The following UVRAG variants were observed in gnomAD, a reference collection of about 807,000 sequenced individuals.
UVRAG encodes the protein UV radiation resistance associated.
Under a neutral mutation model 78.0 loss-of-function variants are expected in UVRAG, and 19 were observed. The observed-to-expected ratio is 0.24, with a 90% CI of 0.17 to 0.36. UVRAG has a LOEUF of 0.36. Ranked by LOEUF, UVRAG falls within the 10% of genes least tolerant of loss-of-function variation. The pLI, the probability that UVRAG is intolerant of heterozygous loss-of-function variation, is 1.00. For missense variants in UVRAG, 740 were observed against 853.8 expected (o/e 0.87, Z 1.66); for synonymous variants, 323 against 324.6 (o/e 1.00, Z 0.05).
intron 1 of UVRAG, among the ~76,000 whole-genome samples, chr11:75,834,337 G>T (rs1278187708): frequency 2.0e-5 from 3 of 151,886 alleles, no homozygotes; most frequent in African/African-American, 7.3e-5. Context: ...TTTTCAGTTG[G>T]AATATTGCAT....
In UVRAG at chr11:75,865,579, T is replaced by C. The variant is rs184634910; in HGVS notation, c.270+3799T>C. On this transcript the variant is annotated intron_variant, in intron 3 of 14. Transcript: ENST00000356136. ...AGCCACATGAGGCTAGTAGATATCA[T>C]ATTAGACAGCACAGTTCTAGATGCT... Among the ~76,000 whole-genome samples the C allele has an allele frequency of 5.7e-3, 865 of 152,280 alleles. 10 individuals are homozygous for C. Among genetic ancestry groups the C allele is most frequent in the African/African-American group, 0.02 (825 of 41,560 alleles).
At chr11:76,094,311 G>A (rs1358297438) in intron 13 of UVRAG, among the ~76,000 whole-genome samples, 1 of 152,114 alleles carries the variant, frequency 6.6e-6, no homozygotes, top group Non-Finnish European at 1.5e-5. Context: ...ATATTGGTTT[G>A]AAATTCTCTT....
intron 13 of UVRAG, among the ~76,000 whole-genome samples, chr11:76,079,078 T>C (rs1296311419): frequency 6.6e-6 from 1 of 152,234 alleles, no homozygotes. Context: ...GTCAGCACCA[T>C]GTTCTTTACA....
intron 5 of UVRAG, among the ~76,000 whole-genome samples, chr11:75,905,515 G>A (rs1040810081): frequency 3.3e-5 from 5 of 151,890 alleles, no homozygotes; most frequent in African/African-American, 9.7e-5. Flanking sequence ...ACCTATTTTG[G>A]GTATTTCATA....
rs745969064 is a variant in UVRAG at position 75,911,980 on chromosome 11, T to C, written c.534T>C (p.Ile178=). The change falls in exon 6 of 15, where the codon ATT becomes ATC. Residue 178 remains isoleucine (I), a synonymous_variant. Coordinates refer to ENST00000356136, the MANE Select transcript of UVRAG (RefSeq NM_003369.4). ...HKGYSNAQKT[I]LLQVDQNCVR... The stretch of plus-strand genomic sequence containing the variant: ...GTTATTCAAATGCTCAGAAGACTAT[T>C]CTTCTGCAGGTGGATCAGAACTGTG... The C allele has an allele frequency of 1.2e-6, 2 of 1,613,362 alleles. No homozygotes were observed. The highest frequency in any genetic ancestry group is 1.7e-6 in the Non-Finnish European group (2 of 1,179,562).
At chr11:75,948,402 A>C (rs983220705) in intron 6 of UVRAG, among the ~76,000 whole-genome samples, 1 of 152,192 alleles carries the variant, frequency 6.6e-6, no homozygotes, top group Non-Finnish European at 1.5e-5. Flanking sequence ...AAAGGAAATT[A>C]TGCGGATAAG....
At chr11:75,934,616 G>A (rs2135117558) in intron 6 of UVRAG, among the ~76,000 whole-genome samples, 1 of 152,054 alleles carries the variant, frequency 6.6e-6, no homozygotes, top group Admixed American at 6.6e-5. Flanking sequence ...CATGTAGTCT[G>A]CAAACATATA....
At chr11:75,892,937 T>C (rs915106868) in intron 5 of UVRAG, among the ~76,000 whole-genome samples, 1 of 152,054 alleles carries the variant, frequency 6.6e-6, no homozygotes, top group Non-Finnish European at 1.5e-5. Flanking sequence ...CTCAGCACTT[T>C]GGGAGGCCGA....
At chr11:76,023,193 A>T (rs971232244) in intron 12 of UVRAG, among the ~76,000 whole-genome samples, 5 of 152,104 alleles carry the variant, frequency 3.3e-5, no homozygotes, top group Non-Finnish European at 5.9e-5. Flanking sequence ...GTTACTATCT[A>T]TGGTCCTTTA....
chr11:75,908,010 A>G (rs935092539), intron 5 of UVRAG, among the ~76,000 whole-genome samples: 36 of 152,272 alleles, frequency 2.4e-4, no homozygotes, highest in Non-Finnish European at 1.5e-5. Flanking sequence ...GCCACCATCC[A>G]TGTATTTCAT....
chr11:75,903,701 T>C (rs1452906859), intron 5 of UVRAG, among the ~76,000 whole-genome samples: 1 of 152,232 alleles, frequency 6.6e-6, no homozygotes, highest in Non-Finnish European at 1.5e-5. Flanking sequence ...GCCTTTCTTA[T>C]GGCACTCTTG....
At chr11:76,065,199 A>T (rs1951164207) in intron 12 of UVRAG, among the ~76,000 whole-genome samples, 1 of 152,206 alleles carries the variant, frequency 6.6e-6, no homozygotes, top group African/African-American at 2.4e-5. Context: ...ATCCCTGTAA[A>T]TGTGAATGAA....
At chr11:75,920,478 C>T (rs1458677839) in intron 6 of UVRAG, among the ~76,000 whole-genome samples, 1 of 152,126 alleles carries the variant, frequency 6.6e-6, no homozygotes, top group Admixed American at 6.6e-5. Context: ...TACACACACA[C>T]ACAGTTTTAC....
intron 5 of UVRAG, among the ~76,000 whole-genome samples, chr11:75,897,607 C>G (rs988568864): frequency 6.6e-6 from 1 of 151,890 alleles, no homozygotes; most frequent in Non-Finnish European, 1.5e-5. Context: ...TCACTGCAAC[C>G]TCTGCCTCCC....
intron 1 of UVRAG, among the ~76,000 whole-genome samples, chr11:75,838,479 A>G (rs1463565933): frequency 6.6e-6 from 1 of 151,936 alleles, no homozygotes; most frequent in Non-Finnish European, 1.5e-5. Flanking sequence ...GTGGGTCTAC[A>G]GGCATGCACC....
intron 13 of UVRAG, among the ~76,000 whole-genome samples, chr11:76,084,151 A>G (rs938241066): frequency 1.3e-5 from 2 of 152,228 alleles, no homozygotes; most frequent in Non-Finnish European, 2.9e-5. Context: ...CTCAGACATC[A>G]TCATCAAGCC....
chr11:76,069,865 C>T (rs373449416), intron 13 of UVRAG, among the ~76,000 whole-genome samples: 55 of 152,070 alleles, frequency 3.6e-4, no homozygotes, highest in African/African-American at 1.3e-3. Context: ...TCAAAGAAGA[C>T]GACATTCCCA....
intron 14 of UVRAG, among the ~76,000 whole-genome samples, chr11:76,122,733 C>T (rs138048296): frequency 1.3e-5 from 2 of 152,282 alleles, no homozygotes; most frequent in African/African-American, 4.8e-5. Context: ...TACCATCTGT[C>T]TACCTCTCAC....
intron 13 of UVRAG, among the ~76,000 whole-genome samples, chr11:76,082,305 C>T (rs955550156): frequency 4.6e-5 from 7 of 152,060 alleles, no homozygotes; most frequent in African/African-American, 1.7e-4. Context: ...CTTTGGGAGG[C>T]CGAGGCGGGC....
Sources: gnomAD v4.1 joint callset for allele counts (sites outside exome capture counted in the v4.1 genomes callset) on GRCh38, gnomAD v4.1.1 for gene constraint, MANE v1.5 for transcripts, NCBI Gene and HGNC (gene_info 2026-07-23, HGNC 2026-07-21) for gene names.